SCAF4: variants seen among roughly 807,000 people sequenced by gnomAD.
SCAF4 encodes SR-related and CTD-associated factor 4.
In SCAF4, 25 loss-of-function variants were observed where a neutral mutation model predicts 129.8. The ratio of observed to expected loss-of-function variants is 0.19; its 90% CI spans 0.14 to 0.27. The LOEUF (loss-of-function observed/expected upper bound fraction) is 0.27. Among genes scored for constraint, SCAF4 ranks in the 10% least tolerant of loss-of-function variants. The pLI, the probability that SCAF4 is intolerant of heterozygous loss-of-function variation, is 1.00. For synonymous variants in SCAF4, 551 were observed against 497.7 expected (o/e 1.11, Z -1.43); for missense variants, 1,246 against 1,457.1 (o/e 0.86, Z 2.36).
intron 3 of SCAF4, 88 bp downstream of exon 3, chr21:31,705,335 T>C: frequency 3.1e-6 from 2 of 636,974 alleles, no homozygotes; most frequent in South Asian, 4.2e-5. Context: ...TATGAAGTGG[T>C]TTAGAAACAA....
intron 18 of SCAF4, 42 bp from the exon 19 acceptor site, chr21:31,685,282 A>G: frequency 6.6e-7 from 1 of 1,520,860 alleles, no homozygotes; most frequent in Non-Finnish European, 9.1e-7. Flanking sequence ...CTGAATAATT[A>G]ATTATCTCCC....
intron 19 of SCAF4, among the ~76,000 whole-genome samples, chr21:31,677,390 C>T (rs2049885570): frequency 6.6e-6 from 1 of 152,170 alleles, no homozygotes; most frequent in Non-Finnish European, 1.5e-5. Context: ...AACTCCCTCA[C>T]CCTGCATCTC....
chr21:31,688,353 A>G lies in SCAF4; in HGVS notation c.1997T>C (p.Val666Ala). The G allele has an allele frequency of 6.2e-7, 1 of 1,613,192 alleles. No individual in the cohort carries two copies. Among genetic ancestry groups the G allele is most frequent in the African/African-American group, 1.3e-5 (1 of 74,948 alleles). The change falls in exon 16 of 20, where the codon GTC (valine) becomes GCC (alanine). Residue 666 changes from valine to alanine, a missense_variant. By Grantham distance (64) the Val-to-Ala change is moderately conservative. Around this residue, in one of 6 missense-constraint regions of SCAF4, gnomAD observed 468 missense variants for 605.5 expected, o/e 0.77. Coordinates refer to ENST00000286835, the MANE Select transcript of SCAF4 (RefSeq NM_020706.2). ...SPIPKPLPVP[V>A]PPIPVPAPIT... ...AGGTGCAGGAACAGGAATAGGAGGG[A>G]CAGGCACAGGTAATGGTTTAGGTAT...
chr21:31,722,693 C>T (rs1309791136), intron 1 of SCAF4, among the ~76,000 whole-genome samples: 11 of 151,926 alleles, frequency 7.2e-5, no homozygotes, highest in African/African-American at 1.5e-4. Context: ...TGGTGGCTCA[C>T]GCCTGTAATC....
intron 19 of SCAF4, among the ~76,000 whole-genome samples, chr21:31,673,158 C>T (rs1480658977): frequency 6.6e-6 from 1 of 152,148 alleles, no homozygotes; most frequent in Non-Finnish European, 1.5e-5. Context: ...TTCCTATCTA[C>T]ATGAGGGTTT....
chr21:31,705,340 A>G (rs558050254), intron 3 of SCAF4, 83 bp downstream of exon 3: 1 of 659,740 alleles, frequency 1.5e-6, no homozygotes. Flanking sequence ...AGTGGTTTAG[A>G]AACAAGCATT....
At chr21:31,722,997 G>A (rs777197114) in intron 1 of SCAF4, among the ~76,000 whole-genome samples, 1 of 152,000 alleles carries the variant, frequency 6.6e-6, no homozygotes, top group Non-Finnish European at 1.5e-5. Flanking sequence ...TACATGGATA[G>A]TATTGTGATT....
At chr21:31,682,603 A>T (rs186422188) in intron 19 of SCAF4, among the ~76,000 whole-genome samples, 3 of 152,226 alleles carry the variant, frequency 2.0e-5, no homozygotes. Flanking sequence ...CCATTAAATC[A>T]TCGTGACACC....
Position 31,671,577 on chromosome 21 carries a change from C to A in SCAF4, c.3266G>T (p.Gly1089Val). The change falls in exon 20 of 20, where the codon GGT becomes GTT. Residue 1089 changes from glycine (G) to valine (V), a missense_variant. Coordinates refer to ENST00000286835, the MANE Select transcript of SCAF4 (RefSeq NM_020706.2). ...EKPEVTDRAG[G>V]NKTVEPPISQ... ...AATGGGAGGTTCAACGGTTTTGTTA[C>A]CACCTGCCCTGTCTGTCACCTCAGG... The A allele has an allele frequency of 6.2e-7, 1 of 1,614,150 alleles. No homozygotes were observed. The highest frequency in any genetic ancestry group is 8.5e-7 in the Non-Finnish European group (1 of 1,179,994).
chr21:31,673,838 C>G (rs2049779261), intron 19 of SCAF4, among the ~76,000 whole-genome samples: 1 of 152,228 alleles, frequency 6.6e-6, no homozygotes, highest in Admixed American at 6.5e-5. Context: ...CTGAACTTTA[C>G]TTTCCCATTA....
intron 2 of SCAF4, 122 bp downstream of exon 2, chr21:31,706,152 G>C: frequency 1.5e-6 from 1 of 680,930 alleles, no homozygotes; most frequent in Non-Finnish European, 2.6e-6. Context: ...TTCAGCAAAG[G>C]CTGGTTAGGG....
intron 1 of SCAF4, among the ~76,000 whole-genome samples, chr21:31,727,763 C>T (rs1026100156): frequency 6.6e-6 from 1 of 151,654 alleles, no homozygotes; most frequent in Non-Finnish European, 1.5e-5. Flanking sequence ...TGCACTCCAG[C>T]GTGGTGACAG....
intron 14 of SCAF4, 64 bp from the exon 15 acceptor site, chr21:31,691,017 T>C (rs2050248034): frequency 7.2e-7 from 1 of 1,394,108 alleles, no homozygotes; most frequent in Non-Finnish European, 9.8e-7. Flanking sequence ...TTGAGGGTAT[T>C]ATTCTCTATC....
At chr21:31,721,545 G>C (rs183084926) in intron 1 of SCAF4, among the ~76,000 whole-genome samples, 1 of 152,128 alleles carries the variant, frequency 6.6e-6, no homozygotes, top group Non-Finnish European at 1.5e-5. Context: ...ATATTGCAGA[G>C]GGAGACTTTA....
At chr21:31,677,571 T>A (rs1027320421) in intron 19 of SCAF4, among the ~76,000 whole-genome samples, 1 of 152,188 alleles carries the variant, frequency 6.6e-6, no homozygotes, top group African/African-American at 2.4e-5. Context: ...GGAGCCTTCA[T>A]TTTGCTAAAT....
chr21:31,730,146 T>C (rs533911344), intron 1 of SCAF4, among the ~76,000 whole-genome samples: 7 of 152,354 alleles, frequency 4.6e-5, no homozygotes, highest in African/African-American at 7.2e-5. Flanking sequence ...TTTTGATTGG[T>C]AGAGAAGCGG....
At chr21:31,684,361 T>C (rs1420113994) in intron 19 of SCAF4, 1 of 152,292 alleles carries the variant, frequency 6.6e-6, no homozygotes, top group Non-Finnish European at 1.5e-5. Context: ...GTGATGTATT[T>C]ATTCATAACT....
intron 16 of SCAF4, 97 bp from the exon 17 acceptor site, chr21:31,685,830 G>C: frequency 8.2e-7 from 1 of 1,222,560 alleles, no homozygotes; most frequent in Non-Finnish European, 1.1e-6. Context: ...AAAAATAGAT[G>C]TTTCTTAATT....
Position 31,731,760 on chromosome 21 carries a change from G to A in SCAF4, c.-68C>T. 1 of 1,529,274 alleles carries A rather than the reference G, an allele frequency of 6.5e-7. No individual in the cohort carries two copies. The highest frequency in any genetic ancestry group is 1.2e-5 in the South Asian group (1 of 83,126). The allele number at this position is 1,529,274 out of a possible 1,614,324, so 94.7% of individuals were successfully genotyped here. On this transcript the variant is annotated 5_prime_UTR_variant, in exon 1 of 20. Coordinates refer to ENST00000286835, the MANE Select transcript of SCAF4 (RefSeq NM_020706.2). The stretch of plus-strand genomic sequence containing the variant: ...TAGACCTCGCGCCGCGGCGGAGCGG[G>A]GCTGGGAAACCAGCCGGGCCTGGTG...
Sources: allele counts gnomAD v4.1 joint callset (sites outside exome capture counted in the v4.1 genomes callset), GRCh38; gene constraint gnomAD v4.1.1; regional missense constraint gnomAD v4.1.1; transcripts MANE v1.5; gene names NCBI Gene and HGNC (gene_info 2026-07-23, HGNC 2026-07-21).